LYPLAL1: variants seen among roughly 807,000 people sequenced by gnomAD.
LYPLAL1 encodes lysophospholipase like 1.
In LYPLAL1, 23 loss-of-function variants were observed where a neutral mutation model predicts 19.7. That is an observed-to-expected ratio of 1.17 (90% CI 0.84 to 1.65). The LOEUF (loss-of-function observed/expected upper bound fraction) is 1.65. Ranked by LOEUF, LYPLAL1 falls within the 40% of genes most tolerant of loss-of-function variation. The pLI is 0.00. For synonymous variants in LYPLAL1, 119 were observed against 96.3 expected (o/e 1.24, Z -1.38); for missense variants, 355 against 279.4 (o/e 1.27, Z -1.93).
At chr1:219,346,057 G>A in the LYPLAL1 span, among the ~76,000 whole-genome samples, 1 of 152,204 alleles carries the variant, frequency 6.6e-6, no homozygotes, top group Non-Finnish European at 1.5e-5. Context: ...AGGTATTACT[G>A]AAACACCAGG....
the LYPLAL1 span, among the ~76,000 whole-genome samples, chr1:219,419,594 C>CACACACACACACACAGAGAG: frequency 1.3e-4 from 13 of 99,598 alleles, no homozygotes; most frequent in African/African-American, 3.2e-4. Context: ...CACACACACA[C>CACACACACACACACAGAGAG]AGAGAGAGAG....
the LYPLAL1 span, among the ~76,000 whole-genome samples, chr1:219,226,659 C>CT: frequency 6.6e-6 from 1 of 151,922 alleles, no homozygotes; most frequent in Non-Finnish European, 1.5e-5. Flanking sequence ...ACCAACAACT[C>CT]TAACATGCAT....
At chr1:219,437,755 A>ATTTTC in the LYPLAL1 span, among the ~76,000 whole-genome samples, 846 of 141,390 alleles carry the variant, frequency 6.0e-3, 10 homozygotes, top group African/African-American at 0.021. Context: ...TATTGTATTT[A>ATTTTC]TTTTATTTTA....
At chr1:219,211,420 T>C in intron 4 of LYPLAL1, 72 bp from the exon 5 acceptor site, 1 of 1,060,900 alleles carries the variant, frequency 9.4e-7, no homozygotes, top group Non-Finnish European at 1.4e-6. Context: ...ATTTTCCTGT[T>C]CTCTCTGATT....
chr1:219,417,739 T>G, the LYPLAL1 span, among the ~76,000 whole-genome samples: 2 of 152,246 alleles, frequency 1.3e-5, no homozygotes. Flanking sequence ...ACCAGTGGCT[T>G]TGCCACCTCA....
chr1:219,273,470 A>C, the LYPLAL1 span: 1 of 152,214 alleles, frequency 6.6e-6, no homozygotes, highest in Non-Finnish European at 1.5e-5. Context: ...TGTTTTTCTT[A>C]GGCACCTAAT....
At chr1:219,314,951 A>T in the LYPLAL1 span, among the ~76,000 whole-genome samples, 1 of 152,120 alleles carries the variant, frequency 6.6e-6, no homozygotes, top group Admixed American at 6.5e-5. Flanking sequence ...TCTGAATAAT[A>T]GAATAATAAC....
chr1:219,228,957 A>G, the LYPLAL1 span, among the ~76,000 whole-genome samples: 1 of 151,972 alleles, frequency 6.6e-6, no homozygotes, highest in Non-Finnish European at 1.5e-5. Context: ...AGGATTACAG[A>G]CGTGAACCAC....
the LYPLAL1 span, among the ~76,000 whole-genome samples, chr1:219,334,459 TC>T: frequency 1.3e-5 from 2 of 151,922 alleles, no homozygotes; most frequent in Non-Finnish European, 2.9e-5. Context: ...TTTCCTTTTT[TC>T]TTTCAGTGAA....
the LYPLAL1 span, among the ~76,000 whole-genome samples, chr1:219,312,698 C>T: frequency 6.6e-6 from 1 of 152,128 alleles, no homozygotes; most frequent in Admixed American, 6.5e-5. Context: ...TTTCAGTGCT[C>T]CTCGGGATTT....
chr1:219,382,961 A>G, the LYPLAL1 span, among the ~76,000 whole-genome samples: 1 of 152,198 alleles, frequency 6.6e-6, no homozygotes, highest in East Asian at 1.9e-4. Flanking sequence ...GGATCAGTTA[A>G]TAGTTGCATC....
chr1:219,442,546 C>T, the LYPLAL1 span: 1 of 152,140 alleles, frequency 6.6e-6, no homozygotes, highest in African/African-American at 2.4e-5. Context: ...TCATTCAAGT[C>T]AGTATTTCTT....
At chr1:219,265,920 A>G in the LYPLAL1 span, among the ~76,000 whole-genome samples, 3 of 152,198 alleles carry the variant, frequency 2.0e-5, no homozygotes, top group South Asian at 6.2e-4. Context: ...GTAAGCCAGT[A>G]TAGGTCACTT....
the LYPLAL1 span, among the ~76,000 whole-genome samples, chr1:219,253,335 T>C: frequency 6.6e-6 from 1 of 151,672 alleles, no homozygotes; most frequent in Non-Finnish European, 1.5e-5. Flanking sequence ...TAGGGGTTGA[T>C]TTGTTCTTCT....
At chr1:219,429,586 G>T in the LYPLAL1 span, among the ~76,000 whole-genome samples, 1 of 152,158 alleles carries the variant, frequency 6.6e-6, no homozygotes, top group African/African-American at 2.4e-5. Flanking sequence ...GAACCCAGGA[G>T]GTTGAGGATG....
At chr1:219,345,304 G>A in the LYPLAL1 span, among the ~76,000 whole-genome samples, 4 of 152,132 alleles carry the variant, frequency 2.6e-5, no homozygotes, top group South Asian at 2.1e-4. Context: ...CCACAGAGTA[G>A]ATGTCCTAAA....
the LYPLAL1 span, among the ~76,000 whole-genome samples, chr1:219,406,689 G>A: frequency 1.3e-5 from 2 of 152,094 alleles, no homozygotes; most frequent in Non-Finnish European, 2.9e-5. Context: ...CCCAGATTTT[G>A]TAACCCATGC....
chr1:219,390,525 C>T, the LYPLAL1 span, among the ~76,000 whole-genome samples: 32 of 152,270 alleles, frequency 2.1e-4, no homozygotes, highest in African/African-American at 5.5e-4. Context: ...CATAATATGA[C>T]GACCTTTGCC....
At chr1:219,206,382 AT>A (rs1310629481) in intron 3 of LYPLAL1, among the ~76,000 whole-genome samples, 3 of 152,070 alleles carry the variant, frequency 2.0e-5, no homozygotes, top group Non-Finnish European at 4.4e-5. Context: ...ATTTTATATC[AT>A]TTTTTAGACT....
Sources: allele counts gnomAD v4.1 joint callset (sites outside exome capture counted in the v4.1 genomes callset), GRCh38; gene constraint gnomAD v4.1.1; transcripts MANE v1.5; gene names NCBI Gene and HGNC (gene_info 2026-07-23, HGNC 2026-07-21).